Variants in MACROD2 observed in about 807,000 individuals in gnomAD.
MACROD2 encodes the protein ADP-ribose glycohydrolase MACROD2.
A neutral mutation model predicts 70.4 loss-of-function variants in MACROD2; 36 were observed. The observed-to-expected ratio is 0.51, with a 90% confidence interval of 0.39 to 0.68. MACROD2 has a LOEUF of 0.68. MACROD2 is among the 30% of genes least tolerant of loss of function. The probability of loss-of-function intolerance (pLI) is 0.00; values close to 1 mark genes in which losing one functional copy is unlikely to be tolerated. For synonymous variants in MACROD2, 172 were observed against 178.8 expected, an observed-to-expected ratio of 0.96 and a Z score of 0.30; for missense variants, 496 against 538.4, an observed-to-expected ratio of 0.92 and a Z score of 0.78.
chr20:15,184,279 G>C (rs2076520169), intron 5 of MACROD2, among the ~76,000 whole-genome samples: 1 of 152,110 alleles, frequency 6.6e-6, no homozygotes, highest in Admixed American at 6.6e-5. Context: ...TACTGGGGTT[G>C]GGTGCCTTCC....
intron 5 of MACROD2, among the ~76,000 whole-genome samples, chr20:15,174,144 G>A (rs1182094516): frequency 1.3e-5 from 2 of 152,044 alleles, no homozygotes; most frequent in African/African-American, 4.8e-5. Context: ...AGACTATGTA[G>A]ATTATTATAT....
chr20:14,422,212 T>TAG (rs1208605386), intron 3 of MACROD2, among the ~76,000 whole-genome samples: 8 of 152,186 alleles, frequency 5.3e-5, no homozygotes, highest in Non-Finnish European at 1.2e-4. Context: ...AATAATAGTA[T>TAG]AGCAACCCCA....
At chr20:15,571,744 T>C (rs1217776703) in intron 8 of MACROD2, among the ~76,000 whole-genome samples, 1 of 152,106 alleles carries the variant, frequency 6.6e-6, no homozygotes, top group Non-Finnish European at 1.5e-5. Flanking sequence ...CTTGGAAACA[T>C]ACTGTTTTCC....
At chr20:15,715,348 C>A (rs11700244) in intron 8 of MACROD2, among the ~76,000 whole-genome samples, 17,263 of 152,052 alleles carry the variant, frequency 0.11, 1,049 homozygotes, top group South Asian at 0.14. Flanking sequence ...AATAGTATTT[C>A]TTTTGCAACC....
intron 1 of MACROD2, chr20:13,996,259 C>T (rs2052648882): frequency 5.1e-6 from 1 of 194,210 alleles, no homozygotes; most frequent in Non-Finnish European, 1.0e-5. Context: ...GCTCCGTGCA[C>T]CCTCATTTCT....
At position 14,124,037 on chromosome 20, in the gene MACROD2, AT is replaced by A. The variant is rs924449846; in HGVS notation, c.271+38317del. On this transcript the variant is annotated intron_variant, in intron 3 of 17. Coordinates refer to ENST00000684519, the MANE Select transcript of MACROD2 (RefSeq NM_001351661.2). ...TGGTAGTATCAGTGGTATTTTTTCC[AT>A]TTTTTTTCTCTTGAACTATGTTTTC... Among the ~76,000 whole-genome samples, 120 of 151,754 alleles carry A rather than the reference AT, an allele frequency of 7.9e-4. 1 individual carries two copies. Among genetic ancestry groups the A allele is most frequent in the African/African-American group, 2.7e-3 (112 of 41,382 alleles).
intron 3 of MACROD2, among the ~76,000 whole-genome samples, chr20:14,267,282 A>G (rs1048069460): frequency 2.6e-5 from 4 of 152,150 alleles, no homozygotes; most frequent in Non-Finnish European, 4.4e-5. Flanking sequence ...GGTTAAGACT[A>G]CAACAGTGCT....
chr20:14,826,323 A>G (rs1478708544), intron 5 of MACROD2, among the ~76,000 whole-genome samples: 1 of 152,074 alleles, frequency 6.6e-6, no homozygotes, highest in Non-Finnish European at 1.5e-5. Flanking sequence ...ATGTATTACT[A>G]TATCCCCAAG....
At chr20:14,566,310 C>G (rs1979798063) in intron 4 of MACROD2, among the ~76,000 whole-genome samples, 1 of 151,814 alleles carries the variant, frequency 6.6e-6, no homozygotes, top group African/African-American at 2.4e-5. Flanking sequence ...TTCTGTAGTC[C>G]TAGCTACTGG....
At chr20:15,881,011 A>G (rs559196847) in intron 9 of MACROD2, among the ~76,000 whole-genome samples, 1 of 152,158 alleles carries the variant, frequency 6.6e-6, no homozygotes, top group African/African-American at 2.4e-5. Context: ...CCTCCATCAG[A>G]TAATCTGTTA....
chr20:14,913,673 T>A (rs2122605582), intron 5 of MACROD2, among the ~76,000 whole-genome samples: 2 of 152,224 alleles, frequency 1.3e-5, no homozygotes, highest in Admixed American at 1.3e-4. Flanking sequence ...GATGACAGAG[T>A]GAGACCCTGT....
chr20:14,712,111 A>G (rs1014363019), intron 5 of MACROD2, among the ~76,000 whole-genome samples: 1 of 152,136 alleles, frequency 6.6e-6, no homozygotes, highest in African/African-American at 2.4e-5. Context: ...AAAAATTTTG[A>G]GGGTTTTATT....
intron 5 of MACROD2, among the ~76,000 whole-genome samples, chr20:14,883,678 G>A (rs961089301): frequency 1.3e-5 from 2 of 151,990 alleles, no homozygotes; most frequent in Non-Finnish European, 1.5e-5. Flanking sequence ...CATGCATATA[G>A]TGTCCCCTGA....
chr20:15,087,494 G>T (rs1311719146), intron 5 of MACROD2, among the ~76,000 whole-genome samples: 1 of 151,918 alleles, frequency 6.6e-6, no homozygotes, highest in Non-Finnish European at 1.5e-5. Flanking sequence ...TTAATAAATG[G>T]AGCTGACAGA....
intron 8 of MACROD2, among the ~76,000 whole-genome samples, chr20:15,535,371 C>G (rs2146555398): frequency 6.6e-6 from 1 of 152,236 alleles, no homozygotes; most frequent in African/African-American, 2.4e-5. Flanking sequence ...GTCCCTAGAC[C>G]AATAGCATCA....
At chr20:15,801,482 G>GAA (rs71190201) in intron 8 of MACROD2, among the ~76,000 whole-genome samples, 14 of 143,466 alleles carry the variant, frequency 9.8e-5, no homozygotes, top group East Asian at 4.0e-4. Flanking sequence ...TATCAAACAT[G>GAA]AAAAAAAAAA....
At chr20:15,364,820 T>G (rs556904214) in intron 6 of MACROD2, among the ~76,000 whole-genome samples, 1 of 152,338 alleles carries the variant, frequency 6.6e-6, no homozygotes, top group Non-Finnish European at 1.5e-5. Flanking sequence ...GTGGAGGTTG[T>G]GAAAGCATTA....
At chr20:15,176,972 T>C (rs2076466939) in intron 5 of MACROD2, among the ~76,000 whole-genome samples, 1 of 152,160 alleles carries the variant, frequency 6.6e-6, no homozygotes, top group Admixed American at 6.5e-5. Context: ...GTGCAGTACA[T>C]CTGGTCCAGT....
At chr20:15,055,594 G>A (rs926256297) in intron 5 of MACROD2, among the ~76,000 whole-genome samples, 1 of 152,076 alleles carries the variant, frequency 6.6e-6, no homozygotes, top group Non-Finnish European at 1.5e-5. Context: ...ATTGGGAGGC[G>A]GGGATGGGAA....
Sources: allele counts gnomAD v4.1 joint callset (sites outside exome capture counted in the v4.1 genomes callset), GRCh38; gene constraint gnomAD v4.1.1; transcripts MANE v1.5; gene names NCBI Gene and HGNC (gene_info 2026-07-23, HGNC 2026-07-21).